The following FLVCR2 variants were observed in gnomAD, a reference collection of about 807,000 sequenced individuals.
FLVCR2 encodes FLVCR choline and putative heme transporter 2, also known as choline/ethanolamine transporter FLVCR2.
Under a neutral mutation model 48.9 loss-of-function variants are expected in FLVCR2, and 38 were observed. The ratio of observed to expected loss-of-function variants is 0.78; its 90% CI spans 0.60 to 1.02. FLVCR2 has a LOEUF of 1.02. Among genes scored for constraint, FLVCR2 ranks in the 50% least tolerant of loss-of-function variants. The probability of loss-of-function intolerance (pLI) is 0.00; values close to 1 mark genes in which losing one functional copy is unlikely to be tolerated. For synonymous variants in FLVCR2, 255 were observed against 257.0 expected (o/e 0.99, Z 0.07); for missense variants, 664 against 663.3 (o/e 1.00, Z -0.01).
intron 9 of FLVCR2, 136 bp downstream of exon 9, chr14:75,642,034 C>A: frequency 1.3e-6 from 1 of 778,502 alleles, no homozygotes; most frequent in Non-Finnish European, 2.3e-6. Flanking sequence ...TCATCCCTTA[C>A]ACATGGCATC....
chr14:75,639,613 TGTA>T, intron 6 of FLVCR2, 151 bp downstream of exon 6: 1 of 709,314 alleles, frequency 1.4e-6, no homozygotes, highest in South Asian at 1.5e-5. Flanking sequence ...CGGTAATACT[TGTA>T]GTACTTCCAA....
chr14:75,612,334 C>T (rs1344366587), intron 1 of FLVCR2, among the ~76,000 whole-genome samples: 2 of 152,148 alleles, frequency 1.3e-5, no homozygotes, highest in South Asian at 4.1e-4. Context: ...GCAGTAAAAG[C>T]CACCAGCATA....
chr14:75,634,948 C>T lies in FLVCR2; in HGVS notation c.1059C>T (p.Ile353=), dbSNP rs775087998. Reference sequence around the variant, plus strand: ...ATGCTGGAAGAATTGGCCTGACGATCGTCATTGCAGGAATGCTTGGGGCTG... The same window carrying T: ...ATGCTGGAAGAATTGGCCTGACGATTGTCATTGCAGGAATGCTTGGGGCTG... ...EVNAGRIGLT[I]VIAGMLGAVI... The change falls in exon 5 of 10, where the codon ATC becomes ATT. Residue 353 remains isoleucine, a synonymous_variant. Transcript: ENST00000238667. The T allele has an allele frequency of 5.1e-5, 83 of 1,613,860 alleles. No individual in the cohort carries two copies. Among genetic ancestry groups the T allele is most frequent in the Admixed American group, 6.7e-5 (4 of 59,988 alleles).
chr14:75,627,268 T>C (rs1029542038), intron 3 of FLVCR2, among the ~76,000 whole-genome samples: 3 of 150,674 alleles, frequency 2.0e-5, no homozygotes, highest in African/African-American at 7.5e-5. Flanking sequence ...AAAGCACTTC[T>C]TGAATGGTGG....
intron 1 of FLVCR2, among the ~76,000 whole-genome samples, chr14:75,585,977 C>T (rs921703498): frequency 1.3e-5 from 2 of 152,096 alleles, no homozygotes; most frequent in African/African-American, 4.8e-5. Context: ...TCTGAGGACC[C>T]GAGGTCGTAG....
At position 75,591,806 on chromosome 14, in the gene FLVCR2, C is replaced by CTT. The variant is rs1163085989; in HGVS notation, c.669+12189_669+12190dup. Among the ~76,000 whole-genome samples the CTT allele has an allele frequency of 8.6e-3, 935 of 109,310 alleles. 29 individuals are homozygous for CTT. The highest frequency in any genetic ancestry group is 0.027 in the African/African-American group (701 of 26,350). 71.7% of individuals were successfully genotyped at this position (109,310 alleles called of 152,430 possible). On this transcript the variant is annotated intron_variant, in intron 1 of 9. Coordinates refer to ENST00000238667, the MANE Select transcript of FLVCR2 (RefSeq NM_017791.3). The stretch of plus-strand genomic sequence containing the variant: ...CCAGGCTCTCTTTTTCTCTTCATTC[C>CTT]TTTTTTTTTTTTTTTTTTTTTTTTT...
intron 1 of FLVCR2, among the ~76,000 whole-genome samples, chr14:75,599,335 C>CA (rs1555375617): frequency 1.2e-4 from 18 of 150,934 alleles, no homozygotes; most frequent in East Asian, 4.0e-4. Context: ...CACCCCCCCC[C>CA]AAAAAATTAA....
At chr14:75,590,919 C>G (rs1246902137) in intron 1 of FLVCR2, among the ~76,000 whole-genome samples, 1 of 152,236 alleles carries the variant, frequency 6.6e-6, no homozygotes, top group African/African-American at 2.4e-5. Flanking sequence ...CTTGTTTCAG[C>G]ATCAACTCAA....
Position 75,646,308 on chromosome 14 carries a change from C to T in FLVCR2, c.1510-93C>T, listed in dbSNP as rs188248934. ...CTGAGTGGCCCCCGGCTCTTGTATT[C>T]CCCACTGATTAGTCATGGCCAGGCA... On this transcript the variant is annotated intron_variant, in intron 9 of 9. Transcript: ENST00000238667. 7.2e-4 allele frequency: 604 copies of T among 842,008 alleles called. 2 individuals carry two copies. In the African/African-American group the frequency reaches 9.0e-3, roughly 13 times the overall value. The allele number at this position is 842,008 out of a possible 1,614,324, so 52.2% of individuals were successfully genotyped here.
chr14:75,629,656 A>G (rs560995062), intron 3 of FLVCR2, among the ~76,000 whole-genome samples: 7 of 151,812 alleles, frequency 4.6e-5, no homozygotes, highest in African/African-American at 1.7e-4. Flanking sequence ...TGGATCTTGC[A>G]TTCACATGGC....
rs200557989 is a variant in FLVCR2 at position 75,641,016 on chromosome 14, G to C, written c.1297G>C (p.Glu433Gln). 4.3e-6 allele frequency: 7 copies of C among 1,614,158 alleles called. No individual in the cohort carries two copies. The highest frequency in any genetic ancestry group is 5.9e-6 in the Non-Finnish European group (7 of 1,179,990). ...GTTTGCTGTGGAGCTCACGTACCCA[G>C]AATCAGAAGGCATCTCCTCCGGCCT... ...FEFAVELTYPESEGISSGLLN... is the reference protein window; with the variant it reads ...FEFAVELTYPQSEGISSGLLN... Residue 433 changes from glutamate (E) to glutamine (Q), a missense_variant, in exon 7 of 10, where the codon GAA becomes CAA. Glu to Gln is a conservative substitution (Grantham distance 29). Coordinates refer to ENST00000238667, the MANE Select transcript of FLVCR2 (RefSeq NM_017791.3).
intron 3 of FLVCR2, among the ~76,000 whole-genome samples, chr14:75,631,369 T>G (rs975727180): frequency 2.0e-5 from 3 of 152,174 alleles, no homozygotes; most frequent in African/African-American, 7.2e-5. Context: ...TCTGCTGCAG[T>G]AGGTCTGGGG....
intron 1 of FLVCR2, among the ~76,000 whole-genome samples, chr14:75,599,681 A>G (rs1368841131): frequency 6.6e-6 from 1 of 152,146 alleles, no homozygotes; most frequent in African/African-American, 2.4e-5. Flanking sequence ...AGCATCGGAG[A>G]TCTCACACTT....
In FLVCR2 at chr14:75,646,508, CCCA is replaced by C; in HGVS notation, c.*39_*41del. 6.9e-7 allele frequency: 1 copy of C among 1,441,556 alleles called. No homozygotes were observed. The highest frequency in any genetic ancestry group is 9.8e-7 in the Non-Finnish European group (1 of 1,022,876). 89.3% of individuals were successfully genotyped at this position (1,441,556 alleles called of 1,614,324 possible). On this transcript the variant is annotated 3_prime_UTR_variant, in exon 10 of 10. Coordinates refer to ENST00000238667, the MANE Select transcript of FLVCR2 (RefSeq NM_017791.3). The stretch of plus-strand genomic sequence containing the variant: ...GTGACAACTCAGGGAACACGAACAC[CCCA>C]CCTTTTCCTTCAGCACAGCTCTCAC...
intron 1 of FLVCR2, chr14:75,605,712 C>T: frequency 7.9e-7 from 1 of 1,271,870 alleles, no homozygotes; most frequent in Non-Finnish European, 1.1e-6. Flanking sequence ...TGCTTTGGCT[C>T]CCCTCCGATT....
intron 9 of FLVCR2, among the ~76,000 whole-genome samples, chr14:75,645,929 AAAAAAAAAAAGTAT>A (rs931518244): frequency 6.6e-6 from 1 of 151,280 alleles, no homozygotes; most frequent in Non-Finnish European, 1.5e-5. Flanking sequence ...AAAAAAAAAA[AAAAAAAAAAAGTAT>A]TCCTCATCCT....
intron 1 of FLVCR2, chr14:75,605,822 C>G (rs751174563): frequency 7.4e-5 from 44 of 591,852 alleles, no homozygotes; most frequent in South Asian, 3.2e-4. Flanking sequence ...GACACAGAAG[C>G]TGGAGCAAGG....
At chr14:75,602,200 T>C (rs1594797190) in intron 1 of FLVCR2, among the ~76,000 whole-genome samples, 1 of 152,298 alleles carries the variant, frequency 6.6e-6, no homozygotes, top group East Asian at 1.9e-4. Flanking sequence ...TTCAAGAGAT[T>C]TTATCCAGCA....
chr14:75,621,942 T>G, intron 1 of FLVCR2, 137 bp from the exon 2 acceptor site: 3 of 936,674 alleles, frequency 3.2e-6, no homozygotes, highest in Non-Finnish European at 5.3e-6. Context: ...TGTTTTGAGG[T>G]GAGAAATAAT....
Sources: allele counts gnomAD v4.1 joint callset (sites outside exome capture counted in the v4.1 genomes callset), GRCh38; gene constraint gnomAD v4.1.1; transcripts MANE v1.5; gene names NCBI Gene and HGNC (gene_info 2026-07-23, HGNC 2026-07-21).